PTCD2: variants seen among roughly 807,000 people sequenced by gnomAD.
PTCD2 encodes pentatricopeptide repeat domain 2.
A neutral mutation model predicts 42.6 loss-of-function variants in PTCD2; 31 were observed. That is an observed-to-expected ratio of 0.73 (90% CI 0.55 to 0.98). The LOEUF (loss-of-function observed/expected upper bound fraction) is 0.98. PTCD2 is among the 50% of genes least tolerant of loss of function. The pLI, the probability that PTCD2 is intolerant of heterozygous loss-of-function variation, is 0.00. For missense variants in PTCD2, 476 were observed against 454.8 expected (o/e 1.05, Z -0.42); for synonymous variants, 183 against 170.9 (o/e 1.07, Z -0.55).
At chr5:72,329,130 C>G (rs1043580759) in intron 3 of PTCD2, among the ~76,000 whole-genome samples, 3 of 152,182 alleles carry the variant, frequency 2.0e-5, no homozygotes, top group Non-Finnish European at 4.4e-5. Context: ...ATCCTGAACA[C>G]TCTTTCTACT....
Position 72,367,032 on chromosome 5 carries a change from T to C in PTCD2, c.*8605T>C, listed in dbSNP as rs1327037909. 2.0e-5 allele frequency: 3 copies of C among 152,242 alleles called. No homozygotes were observed. The East Asian group carries it at 5.8e-4, about 29-fold the overall frequency. The allele number at this position is 152,242 out of a possible 1,614,324, so 9.4% of individuals were successfully genotyped here. A position where few individuals can be genotyped will look rare whatever the true frequency, so the allele number is the denominator to read the frequency against. On this transcript the variant is annotated 3_prime_UTR_variant, in exon 10 of 10. Coordinates refer to ENST00000380639, the MANE Select transcript of PTCD2 (RefSeq NM_024754.5). Reference sequence around the variant, plus strand: ...AAAGAAGTAAAAAGGAATTAGGATCTTGGTTATTTTGATTGTCTCTCTACC... The same window carrying C: ...AAAGAAGTAAAAAGGAATTAGGATCCTGGTTATTTTGATTGTCTCTCTACC...
intron 8 of PTCD2, among the ~76,000 whole-genome samples, chr5:72,350,078 G>T (rs1460058635): frequency 6.6e-6 from 1 of 152,188 alleles, no homozygotes; most frequent in Non-Finnish European, 1.5e-5. Flanking sequence ...GGGCTGGCCA[G>T]TTGCCTTGTA....
chr5:72,328,201 C>G (rs897897988), intron 3 of PTCD2, among the ~76,000 whole-genome samples: 1 of 152,206 alleles, frequency 6.6e-6, no homozygotes, highest in African/African-American at 2.4e-5. Context: ...AGGCCCATCT[C>G]CACTGAGCAG....
In PTCD2 at chr5:72,322,170, A is replaced by T. The variant is rs367871657; in HGVS notation, c.128-2A>T. 11 of 1,510,804 alleles carry T rather than the reference A, an allele frequency of 7.3e-6. No homozygotes were observed. Among genetic ancestry groups the T allele is most frequent in the Non-Finnish European group, 9.2e-6 (10 of 1,090,664 alleles). 93.6% of individuals were successfully genotyped at this position (1,510,804 alleles called of 1,614,324 possible). On this transcript the variant is annotated splice_acceptor_variant, in intron 1 of 9. Transcript: ENST00000380639. LOFTEE classifies it high-confidence loss of function. ...TTACTTTTTTCTTTCTCTGATTTTT[A>T]GCTAAAAGATACCTACTTACAGATA...
chr5:72,326,712 T>G lies in PTCD2; in HGVS notation c.321T>G (p.His107Gln). 1 of 1,614,142 alleles carries G rather than the reference T, an allele frequency of 6.2e-7. No individual in the cohort carries two copies. The highest frequency in any genetic ancestry group is 1.1e-5 in the South Asian group (1 of 91,074). ...TLLHLCESRD[H>Q]VELAKNVIYR... ...TACATTTGTGTGAGTCTCGGGACCA[T>G]GTGGAACTGGCTAAAAATGTCATTT... is the stretch of plus-strand genomic sequence containing the variant. Residue 107 changes from histidine (H) to glutamine (Q), a missense_variant, in exon 3 of 10, where the codon CAT (histidine) becomes CAG (glutamine). Transcript: ENST00000380639.
intron 3 of PTCD2, among the ~76,000 whole-genome samples, chr5:72,328,045 GAAAAACACC>G (rs889600272): frequency 1.2e-4 from 19 of 152,198 alleles, no homozygotes; most frequent in African/African-American, 4.6e-4. Flanking sequence ...TTGAAAAATT[GAAAAACACC>G]AAAAAGTAGA....
intron 9 of PTCD2, 101 bp downstream of exon 9, chr5:72,352,855 C>A: frequency 1.6e-6 from 1 of 614,756 alleles, no homozygotes; most frequent in South Asian, 2.2e-5. Context: ...AAGAAATTGC[C>A]AAATATGGCA....
At chr5:72,357,042 T>G (rs1752908124) in intron 9 of PTCD2, among the ~76,000 whole-genome samples, 1 of 152,216 alleles carries the variant, frequency 6.6e-6, no homozygotes, top group Non-Finnish European at 1.5e-5. Context: ...AGTTCACCCA[T>G]TTTGGGGGTT....
rs2112247363 is a variant in PTCD2 at position 72,359,783 on chromosome 5, TAG to T, written c.*1358_*1359del. On this transcript the variant is annotated 3_prime_UTR_variant, in exon 10 of 10. Transcript: ENST00000380639. Reference sequence around the variant, plus strand: ...AATTGATTTGTGGTAGAGCTGAGATTAGAATCCAGATTCCTAGTCTAGTATCC... The same window carrying T: ...AATTGATTTGTGGTAGAGCTGAGATTAATCCAGATTCCTAGTCTAGTATCC... 1 of 152,232 alleles carries T rather than the reference TAG, an allele frequency of 6.6e-6. No individual in the cohort carries two copies. Among genetic ancestry groups the T allele is most frequent in the East Asian group, 1.9e-4 (1 of 5,174 alleles). The allele number at this position is 152,232 out of a possible 1,614,324, so 9.4% of individuals were successfully genotyped here. A position where few individuals can be genotyped will look rare whatever the true frequency, so the allele number is the denominator to read the frequency against.
intron 7 of PTCD2, among the ~76,000 whole-genome samples, chr5:72,342,599 T>C (rs1580170772): frequency 6.6e-6 from 1 of 152,256 alleles, no homozygotes; most frequent in African/African-American, 2.4e-5. Flanking sequence ...TCTGGCAGTG[T>C]TTCCAGCTGT....
chr5:72,350,522 C>A (rs1237569742), intron 8 of PTCD2, among the ~76,000 whole-genome samples: 2 of 152,164 alleles, frequency 1.3e-5, no homozygotes, highest in Non-Finnish European at 1.5e-5. Flanking sequence ...CACAAACATC[C>A]TTGAAAAGAT....
chr5:72,324,506 A>T (rs1048207910), intron 2 of PTCD2, among the ~76,000 whole-genome samples: 1 of 152,026 alleles, frequency 6.6e-6, no homozygotes, highest in Non-Finnish European at 1.5e-5. Flanking sequence ...TTCCTTACCT[A>T]GAATATCCCC....
At chr5:72,322,397 C>G in intron 2 of PTCD2, 133 bp downstream of exon 2, 1 of 643,304 alleles carries the variant, frequency 1.6e-6, no homozygotes, top group Non-Finnish European at 2.8e-6. Context: ...TTGTTAGTTT[C>G]ATAGTGAACT....
In PTCD2 at chr5:72,352,701, G is replaced by T; in HGVS notation, c.889G>T (p.Ala297Ser). The change falls in exon 9 of 10, where the codon GCA becomes TCA. Residue 297 changes from alanine to serine, a missense_variant. Physicochemically the swap from Ala to Ser is moderately conservative, Grantham distance 99 (BLOSUM62 1). Transcript: ENST00000380639. ...CCTGATAAAGACTCTAAAAAATGCT[G>T]CAGAAGGAAATTTATCAAAATTTGT... is the stretch of plus-strand genomic sequence containing the variant. ...ENLIKTLKNA[A>S]EGNLSKFVKR... 1 of 1,605,406 alleles carries T rather than the reference G, an allele frequency of 6.2e-7. No homozygotes were observed. The highest frequency in any genetic ancestry group is 8.5e-7 in the Non-Finnish European group (1 of 1,172,478).
At chr5:72,345,074 C>G (rs1752290426) in intron 8 of PTCD2, among the ~76,000 whole-genome samples, 1 of 152,152 alleles carries the variant, frequency 6.6e-6, no homozygotes, top group Non-Finnish European at 1.5e-5. Context: ...CCTAATAAGC[C>G]TGGGAGCGCT....
At chr5:72,350,938 T>C (rs927690222) in intron 8 of PTCD2, among the ~76,000 whole-genome samples, 18 of 152,340 alleles carry the variant, frequency 1.2e-4, no homozygotes, top group African/African-American at 4.3e-4. Flanking sequence ...AAAGTACATA[T>C]GTGCACATTG....
At chr5:72,326,555 A>G in intron 2 of PTCD2, 57 bp from the exon 3 acceptor site, 1 of 1,593,916 alleles carries the variant, frequency 6.3e-7, no homozygotes, top group East Asian at 2.2e-5. Context: ...CTGAGGTCAG[A>G]CTCCTTATAC....
chr5:72,334,556 T>C (rs1751627960), intron 4 of PTCD2, among the ~76,000 whole-genome samples: 1 of 152,026 alleles, frequency 6.6e-6, no homozygotes, highest in African/African-American at 2.4e-5. Context: ...TTTTCTTTTT[T>C]TTTTTTTCTT....
intron 7 of PTCD2, among the ~76,000 whole-genome samples, chr5:72,341,438 T>C (rs542450043): frequency 4.0e-4 from 61 of 152,258 alleles, no homozygotes; most frequent in African/African-American, 1.3e-3. Context: ...CTATTCATCA[T>C]TGAAAAGTGT....
Sources: gnomAD v4.1 joint callset for allele counts (sites outside exome capture counted in the v4.1 genomes callset) on GRCh38, gnomAD v4.1.1 for gene constraint, MANE v1.5 for transcripts, NCBI Gene and HGNC (gene_info 2026-07-23, HGNC 2026-07-21) for gene names.